The following PVT1 variants were observed in gnomAD, a reference collection of about 807,000 sequenced individuals.
PVT1 encodes the protein CXCR4/PVT1 fusion.
chr8:127,931,390 C>T (rs1816204599), intron 3 of PVT1, among the ~76,000 whole-genome samples: 1 of 152,186 alleles, frequency 6.6e-6, no homozygotes, highest in Non-Finnish European at 1.5e-5. Context: ...TTACTTATTC[C>T]ATTTCCTGTC....
chr8:128,075,896 A>T (rs1163471735), intron 5 of PVT1, among the ~76,000 whole-genome samples: 2 of 152,216 alleles, frequency 1.3e-5, no homozygotes, highest in Non-Finnish European at 2.9e-5. Context: ...ATAAGTTGAC[A>T]AACCCAGCCA....
At chr8:128,096,783 T>A (rs1814434549) in intron 6 of PVT1, 1 of 152,398 alleles carries the variant, frequency 6.6e-6, no homozygotes, top group African/African-American at 2.4e-5. Context: ...TGGTGGGTCA[T>A]CCCTTCTGAA....
chr8:127,886,122 A>C (rs939594139), intron 2 of PVT1, among the ~76,000 whole-genome samples: 4 of 152,108 alleles, frequency 2.6e-5, no homozygotes, highest in Non-Finnish European at 5.9e-5. Context: ...AAAATAAATA[A>C]ATAAATAAAT....
intron 5 of PVT1, among the ~76,000 whole-genome samples, chr8:128,093,141 T>A (rs1814381580): frequency 6.6e-6 from 1 of 152,222 alleles, no homozygotes; most frequent in African/African-American, 2.4e-5. Context: ...AGGAAAAGAT[T>A]CTACCCTCAC....
chr8:127,997,847 C>T (rs75558477), intron 4 of PVT1, among the ~76,000 whole-genome samples: 3,061 of 152,338 alleles, frequency 0.02, 44 homozygotes, highest in South Asian at 0.034. Context: ...ATTTAGTGAT[C>T]ATGTCTTCTT....
intron 3 of PVT1, chr8:127,960,782 G>A: frequency 2.5e-6 from 1 of 398,150 alleles, no homozygotes; most frequent in Non-Finnish European, 5.1e-6. Flanking sequence ...CAATTTCCTG[G>A]ACACTTCAAA....
chr8:127,848,674 A>G (rs1227714427), intron 2 of PVT1, among the ~76,000 whole-genome samples: 1 of 152,082 alleles, frequency 6.6e-6, no homozygotes, highest in African/African-American at 2.4e-5. Flanking sequence ...CAAGACCGAA[A>G]CTCCGTCTCA....
chr8:127,796,683 A>G (rs1468737683), intron 2 of PVT1, among the ~76,000 whole-genome samples: 3 of 152,084 alleles, frequency 2.0e-5, no homozygotes, highest in Non-Finnish European at 4.4e-5. Flanking sequence ...TTGGCAGAAT[A>G]TCTGGGGGAA....
intron 3 of PVT1, among the ~76,000 whole-genome samples, chr8:127,937,157 T>A (rs565852285): frequency 1.1e-4 from 17 of 152,352 alleles, no homozygotes; most frequent in African/African-American, 4.1e-4. Context: ...CCTCTACAAG[T>A]AAACTGCAAT....
chr8:128,081,715 A>G (rs1422814819), intron 5 of PVT1, among the ~76,000 whole-genome samples: 4 of 152,184 alleles, frequency 2.6e-5, no homozygotes, highest in African/African-American at 9.7e-5. Context: ...TTGCTGAATT[A>G]GTGTCCACTA....
chr8:127,942,800 C>T (rs1816368569), intron 3 of PVT1, among the ~76,000 whole-genome samples: 2 of 152,224 alleles, frequency 1.3e-5, no homozygotes, highest in African/African-American at 2.4e-5. Flanking sequence ...TGCGCATCGA[C>T]TCTCCTGTCC....
intron 4 of PVT1, among the ~76,000 whole-genome samples, chr8:128,037,741 C>T (rs1813482498): frequency 6.6e-6 from 1 of 152,200 alleles, no homozygotes; most frequent in Admixed American, 6.5e-5. Flanking sequence ...TCTGCCCCTG[C>T]CTTCCAGGTA....
intron 2 of PVT1, among the ~76,000 whole-genome samples, chr8:127,885,152 G>T (rs1444851270): frequency 2.0e-5 from 3 of 151,904 alleles, no homozygotes; most frequent in Non-Finnish European, 4.4e-5. Flanking sequence ...GCTTCCCAGG[G>T]CTGGCAGGTC....
At chr8:127,925,624 G>A (rs1261816311) in intron 3 of PVT1, among the ~76,000 whole-genome samples, 1 of 141,938 alleles carries the variant, frequency 7.0e-6, no homozygotes, top group Admixed American at 7.5e-5. Context: ...GCTGTTCTGT[G>A]AATTTTAGAG....
intron 3 of PVT1, among the ~76,000 whole-genome samples, chr8:127,893,955 T>C (rs1304351769): frequency 2.0e-5 from 3 of 152,214 alleles, no homozygotes; most frequent in Non-Finnish European, 4.4e-5. Context: ...CTCCCAGTTT[T>C]CCCTGGACTT....
intron 3 of PVT1, among the ~76,000 whole-genome samples, chr8:127,957,772 C>T (rs1031928298): frequency 4.6e-5 from 7 of 152,314 alleles, no homozygotes; most frequent in South Asian, 2.1e-4. Flanking sequence ...GCTTGTGCTG[C>T]GCAGCTGATA....
intron 3 of PVT1, among the ~76,000 whole-genome samples, chr8:127,958,217 C>T (rs1348555015): frequency 6.6e-6 from 1 of 151,926 alleles, no homozygotes; most frequent in African/African-American, 2.4e-5. Flanking sequence ...GTTTTTTTCT[C>T]TTCTTTTTTT....
chr8:127,812,276 A>AAGGC (rs1563611754), intron 2 of PVT1, among the ~76,000 whole-genome samples: 2 of 149,784 alleles, frequency 1.3e-5, no homozygotes, highest in South Asian at 2.1e-4. Flanking sequence ...GGAAGGAAGG[A>AAGGC]AGGAAGGAAG....
intron 3 of PVT1, among the ~76,000 whole-genome samples, chr8:127,952,925 T>C (rs369530037): frequency 4.6e-5 from 7 of 152,306 alleles, no homozygotes; most frequent in African/African-American, 1.7e-4. Flanking sequence ...CCACCACGCC[T>C]GGCTAATTTT....
Sources: allele counts gnomAD v4.1 joint callset (sites outside exome capture counted in the v4.1 genomes callset), GRCh38; gene constraint gnomAD v4.1.1; transcripts MANE v1.5; gene names NCBI Gene and HGNC (gene_info 2026-07-23, HGNC 2026-07-21).